BLTP1: variants seen among roughly 807,000 people sequenced by gnomAD.
The protein encoded by BLTP1 is fragile site-associated protein.
the BLTP1 span, chr4:122,276,599 T>C: frequency 1.0e-6 from 1 of 985,104 alleles, no homozygotes; most frequent in Non-Finnish European, 1.2e-6. Context: ...CTGGCTTATG[T>C]TGAAACTGAA....
At chr4:122,207,037 A>G in the BLTP1 span, 1 of 1,405,854 alleles carries the variant, frequency 7.1e-7, no homozygotes, top group East Asian at 2.4e-5. Context: ...GACTGGTGTT[A>G]GAAAATCTGT....
chr4:122,233,861 A>G, the BLTP1 span, among the ~76,000 whole-genome samples: 2 of 152,152 alleles, frequency 1.3e-5, no homozygotes, highest in South Asian at 2.1e-4. Context: ...TAAACTTCAT[A>G]TGGATAAGGA....
At chr4:122,204,855 G>A in the BLTP1 span, 1 of 877,072 alleles carries the variant, frequency 1.1e-6, no homozygotes, top group Non-Finnish European at 1.4e-6. Context: ...ATTATGTAAA[G>A]TGTGATGAAT....
At chr4:122,209,859 T>G in the BLTP1 span, 1 of 1,613,666 alleles carries the variant, frequency 6.2e-7, no homozygotes, top group Non-Finnish European at 8.5e-7. Context: ...AGTGTCATGC[T>G]TACAATTGAT....
chr4:122,344,230 G>A, the BLTP1 span: 15 of 861,892 alleles, frequency 1.7e-5, no homozygotes, highest in Non-Finnish European at 2.5e-5. Context: ...AAATGCTAAT[G>A]CTCATTAGAT....
chr4:122,154,437 T>A, the BLTP1 span: 1 of 985,260 alleles, frequency 1.0e-6, no homozygotes, highest in African/African-American at 1.7e-5. Context: ...TATTGATACC[T>A]GATTGACAAA....
chr4:122,361,734 G>A, the BLTP1 span, among the ~76,000 whole-genome samples: 4 of 152,120 alleles, frequency 2.6e-5, no homozygotes, highest in African/African-American at 9.7e-5. Flanking sequence ...TTAACCAGAT[G>A]TCCTTTTATA....
the BLTP1 span, chr4:122,194,427 T>C: frequency 6.8e-6 from 3 of 438,758 alleles, no homozygotes; most frequent in African/African-American, 4.3e-5. Flanking sequence ...ACTTTTCACA[T>C]TATTGGATTT....
chr4:122,191,046 A>T, the BLTP1 span, among the ~76,000 whole-genome samples: 1 of 152,182 alleles, frequency 6.6e-6, no homozygotes, highest in African/African-American at 2.4e-5. Flanking sequence ...TTCAACTGCC[A>T]CACATTTACG....
At chr4:122,293,023 C>G in the BLTP1 span, 2 of 908,694 alleles carry the variant, frequency 2.2e-6, no homozygotes, top group Non-Finnish European at 2.6e-6. Context: ...TCCTTAATAA[C>G]ACTTCTTAAG....
At chr4:122,236,872 AAAT>A in the BLTP1 span, 1 of 983,352 alleles carries the variant, frequency 1.0e-6, no homozygotes, top group Non-Finnish European at 1.2e-6. Flanking sequence ...GGAAGCTTGG[AAAT>A]AACCCCTACA....
At chr4:122,294,189 G>A in the BLTP1 span, among the ~76,000 whole-genome samples, 1 of 152,190 alleles carries the variant, frequency 6.6e-6, no homozygotes, top group Non-Finnish European at 1.5e-5. Flanking sequence ...TGCTGGCTCT[G>A]GAGAGTCCCG....
At chr4:122,289,736 TATC>T in the BLTP1 span, 5 of 957,332 alleles carry the variant, frequency 5.2e-6, no homozygotes, top group Non-Finnish European at 6.2e-6. Context: ...GTATGAATGT[TATC>T]ATGTTAAAAG....
chr4:122,361,090 G>A, the BLTP1 span, among the ~76,000 whole-genome samples: 4 of 152,240 alleles, frequency 2.6e-5, no homozygotes, highest in Admixed American at 6.5e-5. Context: ...TTGTAGGATC[G>A]TTACACTGGT....
At chr4:122,260,658 T>G in the BLTP1 span, among the ~76,000 whole-genome samples, 1 of 152,000 alleles carries the variant, frequency 6.6e-6, no homozygotes, top group Non-Finnish European at 1.5e-5. Context: ...TGAATAACAA[T>G]GTGGCAATAT....
At chr4:122,229,548 T>C in the BLTP1 span, 4,896 of 220,572 alleles carry the variant, frequency 0.022, 143 homozygotes, top group African/African-American at 0.08. Context: ...TTTTTGAATG[T>C]CTTTAGGATT....
the BLTP1 span, chr4:122,152,455 A>G: frequency 1.0e-6 from 1 of 985,650 alleles, no homozygotes; most frequent in Non-Finnish European, 1.2e-6. Context: ...GGGTGTGGGC[A>G]CCGGCAGAGC....
chr4:122,169,657 G>T, the BLTP1 span: 2 of 958,294 alleles, frequency 2.1e-6, no homozygotes, highest in Non-Finnish European at 2.5e-6. Flanking sequence ...TCATCCTACT[G>T]TGTGTGCATA....
the BLTP1 span, chr4:122,174,788 T>A: frequency 2.1e-3 from 1,449 of 705,656 alleles, 10 homozygotes; most frequent in African/African-American, 0.024. Flanking sequence ...TTCCAGTAAA[T>A]CATACTTGAT....
Sources: gnomAD v4.1 joint callset for allele counts (sites outside exome capture counted in the v4.1 genomes callset) on GRCh38, gnomAD v4.1.1 for gene constraint, MANE v1.5 for transcripts, NCBI Gene and HGNC (gene_info 2026-07-23, HGNC 2026-07-21) for gene names.